Variants in WDFY3 observed in about 807,000 individuals in gnomAD.
WDFY3 encodes WD repeat and FYVE domain containing 3, also known as WD repeat and FYVE domain-containing protein 3.
Under a neutral mutation model 409.6 loss-of-function variants are expected in WDFY3, and 66 were observed. That is an observed-to-expected ratio of 0.16 (90% confidence interval 0.13 to 0.20). The LOEUF is 0.20. WDFY3 is among the 10% of genes least tolerant of loss of function. The probability of loss-of-function intolerance (pLI) is 1.00; values close to 1 mark genes in which losing one functional copy is unlikely to be tolerated. For missense variants in WDFY3, 3,031 were observed against 4,298.1 expected, an observed-to-expected ratio of 0.71 and a Z score of 8.24; for synonymous variants, 1,521 against 1,537.1, an observed-to-expected ratio of 0.99 and a Z score of 0.25.
chr4:84,842,101 C>A (rs1241792334), intron 5 of WDFY3, among the ~76,000 whole-genome samples: 1 of 152,086 alleles, frequency 6.6e-6, no homozygotes, highest in African/African-American at 2.4e-5. Context: ...ATGGAGAAGT[C>A]TCTAAATCTG....
intron 2 of WDFY3, among the ~76,000 whole-genome samples, chr4:84,900,700 A>C (rs549534796): frequency 6.6e-6 from 1 of 152,322 alleles, no homozygotes; most frequent in East Asian, 1.9e-4. Flanking sequence ...TGTGACTATA[A>C]AGGAACAGAA....
intron 44 of WDFY3, among the ~76,000 whole-genome samples, chr4:84,730,862 G>A (rs565714295): frequency 1.4e-4 from 22 of 151,808 alleles, no homozygotes; most frequent in African/African-American, 4.6e-4. Context: ...GTGCAATGGC[G>A]TGATCTCGGC....
At chr4:84,784,564 G>A (rs1747127287) in intron 24 of WDFY3, among the ~76,000 whole-genome samples, 1 of 151,876 alleles carries the variant, frequency 6.6e-6, no homozygotes, top group Non-Finnish European at 1.5e-5. Flanking sequence ...TGAGCCGGGT[G>A]GGATGGCTCA....
chr4:84,802,417 G>C (rs1409809657), intron 16 of WDFY3, among the ~76,000 whole-genome samples: 1 of 151,800 alleles, frequency 6.6e-6, no homozygotes, highest in Admixed American at 6.6e-5. Context: ...CTGCCACCAT[G>C]CCAGGCTAAT....
chr4:84,853,624 C>A (rs1759347460), intron 4 of WDFY3, among the ~76,000 whole-genome samples: 1 of 152,158 alleles, frequency 6.6e-6, no homozygotes, highest in Non-Finnish European at 1.5e-5. Flanking sequence ...ATTTCTTGAA[C>A]AGTTGTTAAG....
intron 16 of WDFY3, 152 bp from the exon 17 acceptor site, chr4:84,802,016 C>T (rs1028225352): frequency 9.9e-6 from 7 of 707,682 alleles, no homozygotes; most frequent in Admixed American, 2.9e-5. Context: ...GGTGTGATCT[C>T]GCCTCATTGC....
At chr4:84,963,130 A>AAC (rs1554033529) in intron 1 of WDFY3, among the ~76,000 whole-genome samples, 1 of 151,344 alleles carries the variant, frequency 6.6e-6, no homozygotes, top group African/African-American at 2.4e-5. Context: ...AAAAAAACAA[A>AAC]AAAAAAAAAA....
At chr4:84,897,897 A>AT (rs1765850436) in intron 2 of WDFY3, among the ~76,000 whole-genome samples, 2 of 152,234 alleles carry the variant, frequency 1.3e-5, no homozygotes, top group South Asian at 4.1e-4. Context: ...ATATTTAGAG[A>AT]TAACAACTAT....
intron 3 of WDFY3, among the ~76,000 whole-genome samples, chr4:84,868,342 A>AC (rs1204560354): frequency 6.6e-6 from 1 of 152,072 alleles, no homozygotes; most frequent in African/African-American, 2.4e-5. Flanking sequence ...GATGATCCCA[A>AC]CAAACTGGGT....
intron 17 of WDFY3, among the ~76,000 whole-genome samples, chr4:84,801,259 A>G (rs1750513314): frequency 6.6e-6 from 1 of 152,252 alleles, no homozygotes; most frequent in South Asian, 2.1e-4. Flanking sequence ...ATGGGCAAAG[A>G]GCACAGGAAA....
intron 21 of WDFY3, among the ~76,000 whole-genome samples, chr4:84,792,276 T>G (rs1035331388): frequency 6.6e-6 from 1 of 152,216 alleles, no homozygotes; most frequent in Admixed American, 6.5e-5. Context: ...TGACTTGATA[T>G]AGGAACTGAA....
chr4:84,708,031 CTTT>C (rs1350331159), intron 53 of WDFY3, among the ~76,000 whole-genome samples: 1 of 152,118 alleles, frequency 6.6e-6, no homozygotes. Flanking sequence ...TAAAAACAAT[CTTT>C]TTGTTTGTTT....
chr4:84,962,831 G>A (rs1411769059), intron 1 of WDFY3, among the ~76,000 whole-genome samples: 1 of 151,684 alleles, frequency 6.6e-6, no homozygotes, highest in African/African-American at 2.4e-5. Context: ...ACACCACCAG[G>A]CCAAGCTAAT....
At chr4:84,932,403 G>A (rs1050890013) in intron 1 of WDFY3, 40 bp from the exon 2 acceptor site, 1 of 152,260 alleles carries the variant, frequency 6.6e-6, no homozygotes, top group South Asian at 2.1e-4. Context: ...TTTATGTTCA[G>A]AATATACATC....
At chr4:84,952,264 A>T (rs775768804) in intron 1 of WDFY3, among the ~76,000 whole-genome samples, 7 of 152,128 alleles carry the variant, frequency 4.6e-5, no homozygotes, top group African/African-American at 1.2e-4. Flanking sequence ...GAACTTATTT[A>T]CTCTGGTGAC....
chr4:84,964,481 T>G (rs537367534), intron 1 of WDFY3, among the ~76,000 whole-genome samples: 2 of 152,160 alleles, frequency 1.3e-5, no homozygotes, highest in African/African-American at 4.8e-5. Context: ...AAAAAAGAAA[T>G]AAATAAATAA....
At chr4:84,740,106 A>T in intron 39 of WDFY3, 81 bp downstream of exon 39, 1 of 1,348,166 alleles carries the variant, frequency 7.4e-7, no homozygotes, top group Non-Finnish European at 1.0e-6. Context: ...AAGAAATGTT[A>T]CTATCAAAAA....
At chr4:84,962,977 A>G (rs1308897337) in intron 1 of WDFY3, among the ~76,000 whole-genome samples, 1 of 151,560 alleles carries the variant, frequency 6.6e-6, no homozygotes, top group Non-Finnish European at 1.5e-5. Flanking sequence ...CCCGGTCGCC[A>G]TTTATTTCTT....
intron 2 of WDFY3, among the ~76,000 whole-genome samples, chr4:84,919,014 T>G (rs534337807): frequency 1.3e-5 from 2 of 152,006 alleles, no homozygotes; most frequent in African/African-American, 4.8e-5. Context: ...GAGAAATGAC[T>G]GACTCCAGTG....
Sources: allele counts gnomAD v4.1 joint callset (sites outside exome capture counted in the v4.1 genomes callset), GRCh38; gene constraint gnomAD v4.1.1; transcripts MANE v1.5; gene names NCBI Gene and HGNC (gene_info 2026-07-23, HGNC 2026-07-21).